CDH1: variants seen among roughly 807,000 people sequenced by gnomAD.
CDH1 encodes cadherin-1.
Under a neutral mutation model 84.5 loss-of-function variants are expected in CDH1, and 35 were observed. That is an observed-to-expected ratio of 0.41 (90% confidence interval 0.32 to 0.55). The LOEUF (loss-of-function observed/expected upper bound fraction) is 0.55. Ranked by LOEUF, CDH1 falls within the 20% of genes least tolerant of loss-of-function variation. The pLI is 0.19. For synonymous variants in CDH1, 417 were observed against 439.0 expected, an observed-to-expected ratio of 0.95 and a Z score of 0.63; for missense variants, 994 against 1,126.6, an observed-to-expected ratio of 0.88 and a Z score of 1.68.
chr16:68,788,927 C>G (rs971443754), intron 2 of CDH1, among the ~76,000 whole-genome samples: 2 of 152,094 alleles, frequency 1.3e-5, no homozygotes, highest in Non-Finnish European at 2.9e-5. Flanking sequence ...GTCACTTGAA[C>G]GCAGGAGGCG....
At chr16:68,809,226 C>CTTTTTTTTTTT (rs536314715) in intron 5 of CDH1, among the ~76,000 whole-genome samples, 5 of 135,468 alleles carry the variant, frequency 3.7e-5, no homozygotes, top group African/African-American at 1.1e-4. Flanking sequence ...ACCAAGAGGT[C>CTTTTTTTTTTT]TTTTTTTTTT....
At chr16:68,743,423 A>G (rs1962639204) in intron 2 of CDH1, among the ~76,000 whole-genome samples, 1 of 149,578 alleles carries the variant, frequency 6.7e-6, no homozygotes, top group Admixed American at 6.7e-5. Context: ...GAGTGTAGAG[A>G]GGTAGGATCT....
chr16:68,795,157 A>G (rs1330770181), intron 2 of CDH1, among the ~76,000 whole-genome samples: 1 of 152,196 alleles, frequency 6.6e-6, no homozygotes, highest in African/African-American at 2.4e-5. Context: ...CATTAAAAGA[A>G]CACATGCCAG....
At chr16:68,822,670 C>T (rs1471932917) in intron 12 of CDH1, 2 of 348,586 alleles carry the variant, frequency 5.7e-6, no homozygotes, top group African/African-American at 2.1e-5. Flanking sequence ...GGGCTTCCTA[C>T]ACCTACTTCT....
In CDH1 at chr16:68,822,082, G is replaced by A. The variant is rs780759537; in HGVS notation, c.1793G>A (p.Arg598Gln). The change falls in exon 12 of 16, where the codon CGA (arginine) becomes CAA (glutamine). Residue 598 changes from arginine to glutamine, a missense_variant. By Grantham distance (43) the Arg-to-Gln change is conservative. This residue lies in a region of CDH1 where 769 missense variants were observed against 881.8 expected (regional missense o/e 0.87). Coordinates refer to ENST00000261769, the MANE Select transcript of CDH1 (RefSeq NM_004360.5). Reference sequence around the variant, plus strand: ...GACAACGCCCCCATACCAGAACCTCGAACTATATTCTTCTGTGAGAGGAAT... The same window carrying A: ...GACAACGCCCCCATACCAGAACCTCAAACTATATTCTTCTGTGAGAGGAAT... The part of the protein sequence containing the change: ...VNDNAPIPEP[R>Q]TIFFCERNPK... 23 of 1,613,980 alleles carry A rather than the reference G, an allele frequency of 1.4e-5. No individual in the cohort carries two copies. Among genetic ancestry groups the A allele is most frequent in the Admixed American group, 3.3e-5 (2 of 59,988 alleles).
At chr16:68,753,212 C>CAAA (rs55703202) in intron 2 of CDH1, among the ~76,000 whole-genome samples, 4,109 of 69,738 alleles carry the variant, frequency 0.059, 620 homozygotes, top group African/African-American at 0.18. Context: ...GACTCAGTCT[C>CAAA]AAAAAAAAAA....
chr16:68,828,394 T>G, intron 14 of CDH1, 90 bp downstream of exon 14: 2 of 1,323,302 alleles, frequency 1.5e-6, no homozygotes, highest in Non-Finnish European at 2.2e-6. Flanking sequence ...GAAACAGCTC[T>G]GAATCACTTT....
chr16:68,828,158 T>TC lies in CDH1; in HGVS notation c.2165-11dup. The TC allele has an allele frequency of 6.2e-7, 1 of 1,613,434 alleles. No individual in the cohort carries two copies. The highest frequency in any genetic ancestry group is 8.5e-7 in the Non-Finnish European group (1 of 1,179,660). On this transcript the variant is annotated splice_polypyrimidine_tract_variant and intron_variant, in intron 13 of 15. Transcript: ENST00000261769. ...TTTGGCTCTCAACACTTGCTCTGTCTCCCCCACCATCCCAGTTCTGATTCT... is the reference window on the plus strand; with the variant it reads ...TTTGGCTCTCAACACTTGCTCTGTCTCCCCCCACCATCCCAGTTCTGATTCT...
In CDH1 at chr16:68,743,343, CTTTCTTTCTTTCTTTCTTTCT is replaced by C. The variant is rs1962626265; in HGVS notation, c.163+4940_163+4960del. Among the ~76,000 whole-genome samples the C allele has an allele frequency of 9.4e-5, 2 of 21,264 alleles. 1 individual carries two copies. 14.0% of individuals were successfully genotyped at this position (21,264 alleles called of 152,430 possible). On this transcript the variant is annotated intron_variant, in intron 2 of 15. Coordinates refer to ENST00000261769, the MANE Select transcript of CDH1 (RefSeq NM_004360.5). ...TCTTTCTTTCTTTCTTTCTTTCTTT[CTTTCTTTCTTTCTTTCTTTCT>C]TTTCTTTTCTTTCTTTTGAGACGGA... is the stretch of plus-strand genomic sequence containing the variant.
chr16:68,773,233 G>T (rs1475781339), intron 2 of CDH1, among the ~76,000 whole-genome samples: 3 of 151,918 alleles, frequency 2.0e-5, no homozygotes, highest in African/African-American at 7.3e-5. Context: ...CCTAGTGTTG[G>T]TTGGAGACAA....
intron 2 of CDH1, among the ~76,000 whole-genome samples, chr16:68,742,769 T>C (rs887510106): frequency 1.3e-5 from 2 of 152,154 alleles, no homozygotes; most frequent in African/African-American, 2.4e-5. Context: ...GAAAACAGTA[T>C]GCAGCCTCCC....
intron 2 of CDH1, among the ~76,000 whole-genome samples, chr16:68,742,285 CT>C (rs971880052): frequency 1.0e-3 from 149 of 145,442 alleles, no homozygotes; most frequent in Admixed American, 1.4e-3. Flanking sequence ...ATTTCCCCTC[CT>C]TTTTTTTTTT....
intron 2 of CDH1, among the ~76,000 whole-genome samples, chr16:68,782,593 G>T (rs908070332): frequency 6.6e-6 from 1 of 152,190 alleles, no homozygotes; most frequent in Non-Finnish European, 1.5e-5. Flanking sequence ...GCTCTATGAG[G>T]CAGCACCTGG....
chr16:68,824,593 G>C (rs1205445610), intron 13 of CDH1, among the ~76,000 whole-genome samples: 1 of 152,222 alleles, frequency 6.6e-6, no homozygotes, highest in East Asian at 1.9e-4. Context: ...AATTGACATG[G>C]AGTAGGGGTG....
At position 68,834,303 on chromosome 16, in the gene CDH1, C is replaced by T. The variant is rs1385386792; in HGVS notation, c.*804C>T. On this transcript the variant is annotated 3_prime_UTR_variant, in exon 16 of 16. Coordinates refer to ENST00000261769, the MANE Select transcript of CDH1 (RefSeq NM_004360.5). ...TTAAGAGACAGTTTCGCTCCATCGC[C>T]CAGGCCTGGGATGCAGTGATGTGAT... The T allele has an allele frequency of 2.0e-6, 1 of 510,928 alleles. No homozygotes were observed. Among genetic ancestry groups the T allele is most frequent in the Non-Finnish European group, 3.8e-6 (1 of 260,484 alleles). 31.6% of individuals were successfully genotyped at this position (510,928 alleles called of 1,614,324 possible).
At chr16:68,775,392 T>C (rs1959702079) in intron 2 of CDH1, among the ~76,000 whole-genome samples, 1 of 152,184 alleles carries the variant, frequency 6.6e-6, no homozygotes, top group Non-Finnish European at 1.5e-5. Context: ...CAAGAATGTC[T>C]TGTGTTTATT....
At chr16:68,792,922 C>T (rs1319333144) in intron 2 of CDH1, among the ~76,000 whole-genome samples, 1 of 152,214 alleles carries the variant, frequency 6.6e-6, no homozygotes. Context: ...CATCTGTTTT[C>T]AGGGTGTAGC....
chr16:68,792,768 A>G (rs568179993), intron 2 of CDH1, among the ~76,000 whole-genome samples: 58 of 152,296 alleles, frequency 3.8e-4, no homozygotes, highest in African/African-American at 1.4e-3. Context: ...CACTTCAGAA[A>G]GTAAAGGGTA....
chr16:68,829,957 TTC>T lies in CDH1; in HGVS notation c.2439+162_2439+163del, dbSNP rs1491053291. On this transcript the variant is annotated intron_variant, in intron 15 of 15. Coordinates refer to ENST00000261769, the MANE Select transcript of CDH1 (RefSeq NM_004360.5). ...TTTTCCTTTTTCTTTTTTTTTCTTT[TTC>T]TTTTTTTTTTTTTTTGAGACGAAGT... Among the ~76,000 whole-genome samples the T allele has an allele frequency of 2.0e-3, 243 of 123,268 alleles. 4 individuals are homozygous for T. The highest frequency in any genetic ancestry group is 0.01 in the African/African-American group (220 of 21,274). The allele number at this position is 123,268 out of a possible 152,430, so 80.9% of individuals were successfully genotyped here. A position where few individuals can be genotyped will look rare whatever the true frequency, so the allele number is the denominator to read the frequency against.
Sources: allele counts gnomAD v4.1 joint callset (sites outside exome capture counted in the v4.1 genomes callset), GRCh38; gene constraint gnomAD v4.1.1; regional missense constraint gnomAD v4.1.1; transcripts MANE v1.5; gene names NCBI Gene and HGNC (gene_info 2026-07-23, HGNC 2026-07-21).